The following SKAP2 variants were observed in gnomAD, a reference collection of about 807,000 sequenced individuals.
The protein encoded by SKAP2 is src kinase associated phosphoprotein 2, also known as src kinase-associated phosphoprotein 2.
In SKAP2, 28 loss-of-function variants were observed where a neutral mutation model predicts 54.9. The ratio of observed to expected loss-of-function variants is 0.51; its 90% confidence interval spans 0.38 to 0.70. The LOEUF is 0.70. Ranked by LOEUF, SKAP2 falls within the 30% of genes least tolerant of loss-of-function variation. The probability of loss-of-function intolerance (pLI) is 0.00; values close to 1 mark genes in which losing one functional copy is unlikely to be tolerated. For missense variants in SKAP2, 356 were observed against 424.1 expected, an observed-to-expected ratio of 0.84 and a Z score of 1.41; for synonymous variants, 137 against 134.3, an observed-to-expected ratio of 1.02 and a Z score of -0.14.
chr7:26,786,476 C>A (rs1438893754), intron 4 of SKAP2, among the ~76,000 whole-genome samples: 1 of 152,076 alleles, frequency 6.6e-6, no homozygotes, highest in East Asian at 1.9e-4. Context: ...TCTGGGATGA[C>A]CTCTCTGAAG....
chr7:26,822,467 T>C (rs1333435034), intron 4 of SKAP2, among the ~76,000 whole-genome samples: 1 of 152,170 alleles, frequency 6.6e-6, no homozygotes, highest in Non-Finnish European at 1.5e-5. Context: ...CAAACTTTAA[T>C]AATAAATGTA....
Position 26,724,043 on chromosome 7 carries a change from T to C in SKAP2, c.796+1385A>G, listed in dbSNP as rs551338636. On this transcript the variant is annotated intron_variant, in intron 9 of 12. Coordinates refer to ENST00000345317, the MANE Select transcript of SKAP2 (RefSeq NM_003930.5). ...CCAGAAAGGAAGGGGTTAATAAACA[T>C]GTAGCTCCACTAAACAACTGAAATA... Among the ~76,000 whole-genome samples, 196 of 152,204 alleles carry C rather than the reference T, an allele frequency of 1.3e-3. 1 individual carries two copies. The highest frequency in any genetic ancestry group is 4.0e-3 in the African/African-American group (167 of 41,506).
chr7:26,758,316 G>C (rs1782846596), intron 4 of SKAP2, among the ~76,000 whole-genome samples: 1 of 151,976 alleles, frequency 6.6e-6, no homozygotes. Context: ...AGGCTTTTAA[G>C]TAATTTAAGT....
intron 9 of SKAP2, among the ~76,000 whole-genome samples, chr7:26,724,887 C>A (rs1330843239): frequency 6.6e-6 from 1 of 151,964 alleles, no homozygotes. Context: ...TTTTTTATTC[C>A]ATATTGATGC....
chr7:26,815,765 T>C (rs892165746), intron 4 of SKAP2, among the ~76,000 whole-genome samples: 3 of 152,128 alleles, frequency 2.0e-5, no homozygotes, highest in Non-Finnish European at 4.4e-5. Context: ...ACCACATCAG[T>C]AAATTTTTCA....
At chr7:26,691,201 C>T (rs1003560629) in intron 9 of SKAP2, among the ~76,000 whole-genome samples, 1 of 152,118 alleles carries the variant, frequency 6.6e-6, no homozygotes, top group African/African-American at 2.4e-5. Flanking sequence ...TTGTTCCACA[C>T]TCACCTATAC....
intron 9 of SKAP2, among the ~76,000 whole-genome samples, chr7:26,715,122 A>G (rs1787401641): frequency 6.6e-6 from 1 of 152,198 alleles, no homozygotes; most frequent in Non-Finnish European, 1.5e-5. Context: ...AGCCCCATTA[A>G]CATAATTTTT....
At chr7:26,814,504 G>A (rs979688317) in intron 4 of SKAP2, among the ~76,000 whole-genome samples, 2 of 150,516 alleles carry the variant, frequency 1.3e-5, no homozygotes, top group African/African-American at 4.9e-5. Flanking sequence ...CTAATATGGT[G>A]GTATTAAAAT....
At chr7:26,796,955 A>G (rs1432810176) in intron 4 of SKAP2, among the ~76,000 whole-genome samples, 1 of 152,198 alleles carries the variant, frequency 6.6e-6, no homozygotes, top group African/African-American at 2.4e-5. Flanking sequence ...GCAGAGCACA[A>G]AACATTTGGG....
chr7:26,790,183 C>G (rs1584391340), intron 4 of SKAP2, among the ~76,000 whole-genome samples: 2 of 152,282 alleles, frequency 1.3e-5, no homozygotes, highest in East Asian at 3.9e-4. Flanking sequence ...TTACTTAGGT[C>G]TGGAAGCAAG....
At chr7:26,701,657 G>A (rs1787027124) in intron 9 of SKAP2, among the ~76,000 whole-genome samples, 1 of 152,032 alleles carries the variant, frequency 6.6e-6, no homozygotes, top group South Asian at 2.1e-4. Context: ...CCCGGGAGGT[G>A]GAGGTTGCAG....
At chr7:26,808,203 T>C (rs138407917) in intron 4 of SKAP2, among the ~76,000 whole-genome samples, 3 of 152,222 alleles carry the variant, frequency 2.0e-5, no homozygotes, top group East Asian at 3.9e-4. Context: ...AACCAAAAGA[T>C]GGAAATAACC....
rs1787725332 is a variant in SKAP2, at chr7:26,727,119, C to T, written c.470-113G>A. The T allele has an allele frequency of 1.0e-5, 8 of 772,122 alleles. No homozygotes were observed. The Middle Eastern group carries it at 1.1e-3, about 101-fold the overall frequency. The allele number at this position is 772,122 out of a possible 1,614,324, so 47.8% of individuals were successfully genotyped here. A position where few individuals can be genotyped will look rare whatever the true frequency, so the allele number is the denominator to read the frequency against. On this transcript the variant is annotated intron_variant, in intron 6 of 12. Coordinates refer to ENST00000345317, the MANE Select transcript of SKAP2 (RefSeq NM_003930.5). ...GAAATAACATTTTTTGGTCATATTGCTTTAGTAATATAATGCTTAGGTAAT... is the reference window on the plus strand; with the variant it reads ...GAAATAACATTTTTTGGTCATATTGTTTTAGTAATATAATGCTTAGGTAAT...
intron 4 of SKAP2, among the ~76,000 whole-genome samples, chr7:26,818,381 C>T (rs997616097): frequency 1.3e-5 from 2 of 152,098 alleles, no homozygotes; most frequent in African/African-American, 4.8e-5. Context: ...AACTGGCTAG[C>T]CATATGCAGA....
intron 4 of SKAP2, among the ~76,000 whole-genome samples, chr7:26,748,294 T>C (rs1468036234): frequency 6.6e-6 from 1 of 152,186 alleles, no homozygotes; most frequent in Non-Finnish European, 1.5e-5. Flanking sequence ...TTTTAAAATA[T>C]GGTTTTTATC....
At chr7:26,692,025 T>G (rs1786795112) in intron 9 of SKAP2, among the ~76,000 whole-genome samples, 1 of 152,018 alleles carries the variant, frequency 6.6e-6, no homozygotes, top group Admixed American at 6.6e-5. Context: ...GGAATGGACA[T>G]CTGATCCCAT....
intron 9 of SKAP2, among the ~76,000 whole-genome samples, chr7:26,711,203 G>C (rs1257494100): frequency 2.6e-5 from 4 of 152,110 alleles, no homozygotes; most frequent in Non-Finnish European, 5.9e-5. Context: ...ACAAAGGTGT[G>C]GATAGAGGAA....
Position 26,739,973 on chromosome 7 carries a change from A to C in SKAP2, c.308-9T>G, listed in dbSNP as rs988372743. On this transcript the variant is annotated splice_polypyrimidine_tract_variant and intron_variant, in intron 4 of 12. Coordinates refer to ENST00000345317, the MANE Select transcript of SKAP2 (RefSeq NM_003930.5). ...TGGAGGAAACTGGGCTCCTATGAGA[A>C]GTTGGGGAGAGAAAAAAAAAAGCAG... is the stretch of plus-strand genomic sequence containing the variant. 6.3e-7 allele frequency: 1 copy of C among 1,579,748 alleles called. No homozygotes were observed. The highest frequency in any genetic ancestry group is 8.6e-7 in the Non-Finnish European group (1 of 1,161,716).
intron 9 of SKAP2, among the ~76,000 whole-genome samples, chr7:26,708,083 T>C (rs1787206648): frequency 6.6e-6 from 1 of 152,182 alleles, no homozygotes; most frequent in Admixed American, 6.5e-5. Context: ...AATTCCTGTG[T>C]GGCCAGCTCT....
Sources: allele counts gnomAD v4.1 joint callset (sites outside exome capture counted in the v4.1 genomes callset), GRCh38; gene constraint gnomAD v4.1.1; transcripts MANE v1.5; gene names NCBI Gene and HGNC (gene_info 2026-07-23, HGNC 2026-07-21).